The following ABCA9 variants were observed in gnomAD, a reference collection of about 807,000 sequenced individuals.
The protein encoded by ABCA9 is ATP binding cassette subfamily A member 9.
Under a neutral mutation model 205.3 loss-of-function variants are expected in ABCA9, and 183 were observed. The observed-to-expected ratio is 0.89, with a 90% confidence interval of 0.79 to 1.01. The LOEUF (loss-of-function observed/expected upper bound fraction) is 1.01, where lower values mean the gene tolerates loss of function less well. Among genes scored for constraint, ABCA9 ranks in the 50% least tolerant of loss-of-function variants. The pLI is 0.00. For synonymous variants in ABCA9, 651 were observed against 683.3 expected, an observed-to-expected ratio of 0.95 and a Z score of 0.74; for missense variants, 1,805 against 1,912.4, an observed-to-expected ratio of 0.94 and a Z score of 1.05.
In ABCA9 at chr17:68,989,794, T is replaced by C; in HGVS notation, c.3955+19A>G. ...TTCAGATTCAAGATTGCTCTACTAA[T>C]GGAACTACTGTTTCCAACCTTTTTT... On this transcript the variant is annotated intron_variant, in intron 30 of 38. Transcript: ENST00000340001. 3.6e-6 allele frequency: 5 copies of C among 1,383,040 alleles called. No individual in the cohort carries two copies. The highest frequency in any genetic ancestry group is 5.1e-6 in the Non-Finnish European group (5 of 974,130). The allele number at this position is 1,383,040 out of a possible 1,614,324, so 85.7% of individuals were successfully genotyped here. A position where few individuals can be genotyped will look rare whatever the true frequency, so the allele number is the denominator to read the frequency against.
chr17:69,052,522 C>T (rs2071940264), intron 1 of ABCA9, among the ~76,000 whole-genome samples: 1 of 152,090 alleles, frequency 6.6e-6, no homozygotes, highest in South Asian at 2.1e-4. Flanking sequence ...GATTAAAATA[C>T]TAAGGGCTTC....
chr17:69,040,441 A>G (rs374861690), intron 6 of ABCA9, among the ~76,000 whole-genome samples: 2 of 152,210 alleles, frequency 1.3e-5, no homozygotes, highest in African/African-American at 4.8e-5. Context: ...ATTCTCAGCA[A>G]ACTATCACAG....
At chr17:68,979,656 G>C (rs1006414313) in intron 37 of ABCA9, among the ~76,000 whole-genome samples, 7 of 152,046 alleles carry the variant, frequency 4.6e-5, no homozygotes, top group Admixed American at 6.5e-5. Flanking sequence ...TGATCTTTGA[G>C]AAACCTGACA....
chr17:69,076,495 C>T, the ABCA9 span, among the ~76,000 whole-genome samples: 40 of 152,178 alleles, frequency 2.6e-4, no homozygotes, highest in African/African-American at 9.1e-4. Context: ...GTGTCTTTGC[C>T]AGGTTCTGGT....
Position 69,035,753 on chromosome 17 carries a change from A to C in ABCA9, c.849T>G (p.Thr283=). The change falls in exon 7 of 39, where the codon ACT becomes ACG. Residue 283 remains threonine (T), a synonymous_variant. Coordinates refer to ENST00000340001, the MANE Select transcript of ABCA9 (RefSeq NM_080283.4). ...MYAGFILIMA[T]LMALIVKSAQ... ...CAGATTTTACAATAAGAGCCATTAA[A>C]GTGGCCATGATAAGGATGAAGCCAG... 1 of 1,613,788 alleles carries C rather than the reference A, an allele frequency of 6.2e-7. No homozygotes were observed. The highest frequency in any genetic ancestry group is 8.5e-7 in the Non-Finnish European group (1 of 1,179,830).
At chr17:68,998,526 T>C (rs2069714953) in intron 25 of ABCA9, among the ~76,000 whole-genome samples, 1 of 152,194 alleles carries the variant, frequency 6.6e-6, no homozygotes, top group Non-Finnish European at 1.5e-5. Context: ...TCATAATGAA[T>C]ATTGATCATT....
At chr17:68,999,543 T>C (rs865966381) in intron 25 of ABCA9, among the ~76,000 whole-genome samples, 1,670 of 140,826 alleles carry the variant, frequency 0.012, 27 homozygotes, top group African/African-American at 0.04. Context: ...ACATTTGGGT[T>C]GGTTCCAAGT....
chr17:69,021,202 C>G (rs1471813788), intron 18 of ABCA9, among the ~76,000 whole-genome samples: 2 of 151,574 alleles, frequency 1.3e-5, no homozygotes, highest in Admixed American at 1.3e-4. Context: ...TTGATCAATC[C>G]AAAAAGACCC....
intron 18 of ABCA9, among the ~76,000 whole-genome samples, chr17:69,021,216 G>T (rs2070796899): frequency 6.6e-6 from 1 of 151,832 alleles, no homozygotes; most frequent in Non-Finnish European, 1.5e-5. Flanking sequence ...AAGACCCCCA[G>T]AAAATTGCAA....
At chr17:68,995,360 C>T (rs1286386780) in intron 26 of ABCA9, among the ~76,000 whole-genome samples, 1 of 152,162 alleles carries the variant, frequency 6.6e-6, no homozygotes, top group African/African-American at 2.4e-5. Context: ...CATGTATTTG[C>T]TTTCCAATCT....
At chr17:69,040,606 T>C (rs1337144900) in intron 6 of ABCA9, among the ~76,000 whole-genome samples, 1 of 152,048 alleles carries the variant, frequency 6.6e-6, no homozygotes, top group African/African-American at 2.4e-5. Flanking sequence ...CTAATGCATG[T>C]GGGGCTTAAA....
At chr17:69,065,953 TGAA>T in the ABCA9 span, among the ~76,000 whole-genome samples, 6 of 152,202 alleles carry the variant, frequency 3.9e-5, no homozygotes, top group Non-Finnish European at 5.9e-5. Context: ...TGCCACCCTG[TGAA>T]GAAGGACATG....
upstream of ABCA9, among the ~76,000 whole-genome samples, chr17:69,063,310 C>T (rs965527507): frequency 6.6e-6 from 1 of 152,150 alleles, no homozygotes; most frequent in Non-Finnish European, 1.5e-5. Context: ...GTGTTTTGCA[C>T]CAGACTACAA....
the ABCA9 span, among the ~76,000 whole-genome samples, chr17:69,070,032 G>A: frequency 6.6e-6 from 1 of 152,040 alleles, no homozygotes; most frequent in South Asian, 2.1e-4. Flanking sequence ...TATTGCTTGG[G>A]TTTTAGAAAT....
At chr17:69,045,080 G>T in intron 4 of ABCA9, 92 bp downstream of exon 4, 3 of 1,009,950 alleles carry the variant, frequency 3.0e-6, no homozygotes, top group Non-Finnish European at 4.3e-6. Flanking sequence ...GGTTGTATAT[G>T]TTTGTGTAGT....
At chr17:69,015,135 T>C (rs1271939163) in intron 22 of ABCA9, among the ~76,000 whole-genome samples, 1 of 151,096 alleles carries the variant, frequency 6.6e-6, no homozygotes, top group African/African-American at 2.5e-5. Flanking sequence ...GTCTGAGAGC[T>C]AGGACACCCT....
At chr17:69,014,446 G>A (rs1330393323) in intron 22 of ABCA9, among the ~76,000 whole-genome samples, 4 of 152,014 alleles carry the variant, frequency 2.6e-5, no homozygotes, top group South Asian at 4.2e-4. Context: ...TGAAAAAATC[G>A]AGAATCCGAA....
At chr17:69,069,242 C>CACTTA in the ABCA9 span, among the ~76,000 whole-genome samples, 1 of 152,140 alleles carries the variant, frequency 6.6e-6, no homozygotes, top group African/African-American at 2.4e-5. Context: ...AGAATCACAG[C>CACTTA]CAAGATCAGC....
intron 29 of ABCA9, among the ~76,000 whole-genome samples, chr17:68,990,611 C>T (rs758071647): frequency 2.0e-5 from 3 of 152,130 alleles, no homozygotes; most frequent in African/African-American, 7.2e-5. Context: ...GTCTCAAACA[C>T]CTGACCCTAA....
Sources: gnomAD v4.1 joint callset for allele counts (sites outside exome capture counted in the v4.1 genomes callset) on GRCh38, gnomAD v4.1.1 for gene constraint, MANE v1.5 for transcripts, NCBI Gene and HGNC (gene_info 2026-07-23, HGNC 2026-07-21) for gene names.